Variants in EYS observed in about 807,000 individuals in gnomAD.
The protein encoded by EYS is EGF-like photoreceptor maintenance factor, also known as protein eyes shut homolog.
In EYS, 250 loss-of-function variants were observed where a neutral mutation model predicts 282.1. The observed-to-expected ratio is 0.89, with a 90% confidence interval of 0.80 to 0.98. The LOEUF (loss-of-function observed/expected upper bound fraction) is 0.98, where lower values mean the gene tolerates loss of function less well. Ranked by LOEUF, EYS falls within the 50% of genes least tolerant of loss-of-function variation. The pLI, the probability that EYS is intolerant of heterozygous loss-of-function variation, is 0.00. For missense variants in EYS, 4,016 were observed against 3,709.0 expected, an observed-to-expected ratio of 1.08 and a Z score of -2.15; for synonymous variants, 1,355 against 1,282.9, an observed-to-expected ratio of 1.06 and a Z score of -1.20.
intron 5 of EYS, among the ~76,000 whole-genome samples, chr6:65,445,229 C>A (rs1768608026): frequency 6.6e-6 from 1 of 151,784 alleles, no homozygotes; most frequent in Non-Finnish European, 1.5e-5. Flanking sequence ...TTGAATATTT[C>A]TTATAACTTT....
chr6:65,592,346 A>G (rs1326079192), intron 2 of EYS, among the ~76,000 whole-genome samples: 1 of 152,010 alleles, frequency 6.6e-6, no homozygotes, highest in Non-Finnish European at 1.5e-5. Context: ...TTAGATATTT[A>G]CAAATTATGC....
chr6:65,149,437 C>T (rs1358363112), intron 12 of EYS, among the ~76,000 whole-genome samples: 1 of 152,140 alleles, frequency 6.6e-6, no homozygotes, highest in Non-Finnish European at 1.5e-5. Flanking sequence ...CTTCATTGTC[C>T]AAATCACTAT....
intron 2 of EYS, among the ~76,000 whole-genome samples, chr6:65,513,094 AG>A (rs1311509837): frequency 2.3e-4 from 35 of 152,346 alleles, no homozygotes; most frequent in African/African-American, 8.2e-4. Flanking sequence ...GCAATAAAAA[AG>A]GATAAAGGGG....
chr6:64,886,602 G>A, intron 19 of EYS, 95 bp downstream of exon 19: 1 of 1,006,696 alleles, frequency 9.9e-7, no homozygotes, highest in Non-Finnish European at 1.4e-6. Flanking sequence ...GTTTGCATCT[G>A]GCAGATTATT....
At chr6:65,223,298 C>T (rs375864781) in intron 12 of EYS, among the ~76,000 whole-genome samples, 25 of 152,098 alleles carry the variant, frequency 1.6e-4, no homozygotes, top group African/African-American at 2.6e-4. Context: ...ACCCAGGTGG[C>T]GGAGTTTGCA....
chr6:64,126,547 A>C (rs551064018), intron 31 of EYS, among the ~76,000 whole-genome samples: 1 of 152,118 alleles, frequency 6.6e-6, no homozygotes, highest in Non-Finnish European at 1.5e-5. Flanking sequence ...TTCCACCAAA[A>C]CATCACGTTC....
chr6:64,090,422 C>A (rs1209209382), intron 31 of EYS, among the ~76,000 whole-genome samples: 1 of 152,002 alleles, frequency 6.6e-6, no homozygotes, highest in Non-Finnish European at 1.5e-5. Flanking sequence ...TATTATTTTT[C>A]TTCTTTGAAA....
intron 2 of EYS, among the ~76,000 whole-genome samples, chr6:65,623,676 A>C (rs2149803601): frequency 6.6e-6 from 1 of 152,340 alleles, no homozygotes; most frequent in Admixed American, 6.5e-5. Context: ...AGTCTTGAGT[A>C]TGTACATATG....
chr6:65,180,418 A>G (rs1174556338), intron 12 of EYS, among the ~76,000 whole-genome samples: 1 of 152,094 alleles, frequency 6.6e-6, no homozygotes, highest in Non-Finnish European at 1.5e-5. Flanking sequence ...AATAACAGAC[A>G]AACAGAGAGC....
chr6:65,501,737 G>A (rs927617105), intron 2 of EYS, among the ~76,000 whole-genome samples: 1 of 151,560 alleles, frequency 6.6e-6, no homozygotes, highest in Non-Finnish European at 1.5e-5. Flanking sequence ...AAAAAGTATA[G>A]AGATTATTGT....
At chr6:64,399,865 T>G (rs1011306040) in intron 28 of EYS, among the ~76,000 whole-genome samples, 2 of 151,902 alleles carry the variant, frequency 1.3e-5, no homozygotes, top group Non-Finnish European at 2.9e-5. Context: ...AAATCTGACT[T>G]TTTAATCGGA....
intron 14 of EYS, among the ~76,000 whole-genome samples, chr6:64,989,443 C>A (rs1770979160): frequency 2.9e-5 from 2 of 69,406 alleles, no homozygotes; most frequent in African/African-American, 1.8e-4. Context: ...CAGGAAGAGG[C>A]TATTTACTGG....
chr6:65,542,659 A>G (rs539159462), intron 2 of EYS, among the ~76,000 whole-genome samples: 2 of 152,110 alleles, frequency 1.3e-5, no homozygotes, highest in Non-Finnish European at 2.9e-5. Context: ...GATTAATTAG[A>G]TTTTAAGTTA....
intron 22 of EYS, among the ~76,000 whole-genome samples, chr6:64,759,724 C>T (rs978508169): frequency 2.0e-5 from 3 of 152,034 alleles, no homozygotes; most frequent in Non-Finnish European, 2.9e-5. Context: ...TTCACTCTTT[C>T]TGAATTATTT....
chr6:63,931,799 G>GT (rs558767804), intron 35 of EYS, among the ~76,000 whole-genome samples: 12 of 152,048 alleles, frequency 7.9e-5, no homozygotes, highest in South Asian at 2.1e-4. Flanking sequence ...TTTCTTTTCT[G>GT]TTTTTTTAAA....
At chr6:65,130,510 T>C (rs1409599705) in intron 12 of EYS, among the ~76,000 whole-genome samples, 4 of 151,928 alleles carry the variant, frequency 2.6e-5, no homozygotes, top group African/African-American at 9.7e-5. Flanking sequence ...GGGACTTGGA[T>C]GGCACTGGAG....
intron 12 of EYS, among the ~76,000 whole-genome samples, chr6:65,076,450 T>G (rs963952517): frequency 6.6e-6 from 1 of 151,988 alleles, no homozygotes. Flanking sequence ...CATTGTTTGA[T>G]ATATATTCTC....
At chr6:64,333,794 T>G (rs975715029) in intron 29 of EYS, among the ~76,000 whole-genome samples, 2 of 152,116 alleles carry the variant, frequency 1.3e-5, no homozygotes, top group African/African-American at 2.4e-5. Context: ...AAATTCAAAT[T>G]CCTCCTATAT....
intron 26 of EYS, among the ~76,000 whole-genome samples, chr6:64,451,628 G>A (rs1272555476): frequency 4.6e-5 from 7 of 152,172 alleles, no homozygotes; most frequent in South Asian, 2.1e-4. Context: ...CTGGCAAACC[G>A]AATCCAGCAA....
Sources: allele counts gnomAD v4.1 joint callset (sites outside exome capture counted in the v4.1 genomes callset), GRCh38; gene constraint gnomAD v4.1.1; transcripts MANE v1.5; gene names NCBI Gene and HGNC (gene_info 2026-07-23, HGNC 2026-07-21).